The following NCK2 variants were observed in gnomAD, a reference collection of about 807,000 sequenced individuals.
NCK2 encodes cytoplasmic protein NCK2.
Under a neutral mutation model 33.9 loss-of-function variants are expected in NCK2, and 16 were observed. The observed-to-expected ratio is 0.47, with a 90% CI of 0.32 to 0.72. NCK2 has a LOEUF of 0.72. Ranked by LOEUF, NCK2 falls within the 30% of genes least tolerant of loss-of-function variation. The probability of loss-of-function intolerance (pLI) is 0.03; values close to 1 mark genes in which losing one functional copy is unlikely to be tolerated. For synonymous variants in NCK2, 273 were observed against 239.9 expected, an observed-to-expected ratio of 1.14 and a Z score of -1.27; for missense variants, 418 against 537.3, an observed-to-expected ratio of 0.78 and a Z score of 2.19.
intron 1 of NCK2, among the ~76,000 whole-genome samples, chr2:105,750,261 C>T (rs915446079): frequency 6.6e-6 from 1 of 152,130 alleles, no homozygotes; most frequent in Non-Finnish European, 1.5e-5. Flanking sequence ...TCTGGTGTTT[C>T]TTCCTCTTAT....
intron 1 of NCK2, among the ~76,000 whole-genome samples, chr2:105,806,851 C>T (rs566662018): frequency 6.6e-6 from 1 of 152,286 alleles, no homozygotes; most frequent in Non-Finnish European, 1.5e-5. Context: ...AAAAACCCAA[C>T]CAACCATCCT....
At chr2:105,838,742 A>G (rs1368316306) in intron 2 of NCK2, among the ~76,000 whole-genome samples, 3 of 152,286 alleles carry the variant, frequency 2.0e-5, no homozygotes, top group South Asian at 2.1e-4. Context: ...GAGACCATCA[A>G]CACCTACTGA....
intron 2 of NCK2, among the ~76,000 whole-genome samples, chr2:105,838,785 C>G (rs1461387344): frequency 6.6e-6 from 1 of 152,196 alleles, no homozygotes; most frequent in Non-Finnish European, 1.5e-5. Flanking sequence ...CATCCACTCT[C>G]TCTTTCACAT....
At chr2:105,790,030 T>C (rs1690824908) in intron 1 of NCK2, among the ~76,000 whole-genome samples, 2 of 152,244 alleles carry the variant, frequency 1.3e-5, no homozygotes, top group South Asian at 4.1e-4. Flanking sequence ...GGGAGCAGAA[T>C]TGGCTTGTCT....
intron 3 of NCK2, among the ~76,000 whole-genome samples, chr2:105,866,731 T>C (rs1388360896): frequency 4.6e-5 from 7 of 152,190 alleles, no homozygotes; most frequent in Non-Finnish European, 1.0e-4. Flanking sequence ...ACAGAGGTAC[T>C]GGTCTGTGGC....
At chr2:105,823,850 A>G (rs7590652) in intron 2 of NCK2, among the ~76,000 whole-genome samples, 46,662 of 151,938 alleles carry the variant, frequency 0.31, 7,695 homozygotes, top group South Asian at 0.39. Context: ...AGCAGTAAGG[A>G]TGATCCTAAT....
At chr2:105,812,307 C>T (rs753391457) in intron 1 of NCK2, among the ~76,000 whole-genome samples, 4 of 152,192 alleles carry the variant, frequency 2.6e-5, no homozygotes, top group Non-Finnish European at 5.9e-5. Context: ...TTGATAAACA[C>T]ATCTAAGCTG....
intron 4 of NCK2, among the ~76,000 whole-genome samples, chr2:105,891,560 T>TGAG (rs1678981608): frequency 1.8e-4 from 2 of 11,204 alleles, no homozygotes; most frequent in East Asian, 0.011. Context: ...TTTTTTTTTT[T>TGAG]TTTTTTTTGA....
intron 3 of NCK2, among the ~76,000 whole-genome samples, chr2:105,872,745 G>A (rs897448024): frequency 2.6e-5 from 4 of 152,212 alleles, no homozygotes; most frequent in African/African-American, 9.6e-5. Flanking sequence ...CAGCATTTCA[G>A]GAAGGAATGG....
intron 1 of NCK2, among the ~76,000 whole-genome samples, chr2:105,805,901 A>C (rs538184787): frequency 6.6e-6 from 1 of 152,070 alleles, no homozygotes; most frequent in South Asian, 2.1e-4. Flanking sequence ...GAATATTTGC[A>C]TAAACATAAC....
At chr2:105,796,220 A>G (rs908143602) in intron 1 of NCK2, among the ~76,000 whole-genome samples, 2 of 152,180 alleles carry the variant, frequency 1.3e-5, no homozygotes, top group Non-Finnish European at 2.9e-5. Flanking sequence ...TTGAAAGACA[A>G]TCATTTGCAG....
chr2:105,838,603 G>A (rs1452453536), intron 2 of NCK2, among the ~76,000 whole-genome samples: 1 of 152,148 alleles, frequency 6.6e-6, no homozygotes, highest in Middle Eastern at 3.2e-3. Context: ...GAATAACAAT[G>A]AATATATCAA....
chr2:105,873,224 G>A (rs184034762), intron 3 of NCK2, among the ~76,000 whole-genome samples: 69 of 152,292 alleles, frequency 4.5e-4, no homozygotes, highest in Non-Finnish European at 9.0e-4. Context: ...GTACCCAAAA[G>A]TCTGTCCCAC....
At chr2:105,805,462 T>G (rs760948748) in intron 1 of NCK2, among the ~76,000 whole-genome samples, 6 of 152,224 alleles carry the variant, frequency 3.9e-5, no homozygotes, top group Non-Finnish European at 8.8e-5. Context: ...AATAATAAAT[T>G]TGTTTTCTAT....
At chr2:105,877,667 A>G (rs1323362185) in intron 3 of NCK2, among the ~76,000 whole-genome samples, 1 of 152,098 alleles carries the variant, frequency 6.6e-6, no homozygotes. Context: ...GATTCTTGGC[A>G]CCCCAATTCA....
intron 2 of NCK2, among the ~76,000 whole-genome samples, chr2:105,841,411 T>C (rs1339071926): frequency 6.6e-6 from 1 of 152,176 alleles, no homozygotes; most frequent in Non-Finnish European, 1.5e-5. Flanking sequence ...TTTTTAAGGA[T>C]ACAGATGTAG....
At chr2:105,814,621 A>T (rs1412044236) in intron 1 of NCK2, among the ~76,000 whole-genome samples, 1 of 152,184 alleles carries the variant, frequency 6.6e-6, no homozygotes, top group East Asian at 1.9e-4. Flanking sequence ...TGCAGAAGAG[A>T]TTAGAGATGT....
chr2:105,851,291 T>C (rs533115015), intron 2 of NCK2, among the ~76,000 whole-genome samples: 1 of 144,166 alleles, frequency 6.9e-6, no homozygotes, highest in African/African-American at 2.6e-5. Context: ...TGAGACGGAG[T>C]CTCGCTCTGT....
chr2:105,846,242 GCCA>G (rs1676851388), intron 2 of NCK2, among the ~76,000 whole-genome samples: 1 of 152,062 alleles, frequency 6.6e-6, no homozygotes, highest in Admixed American at 6.6e-5. Context: ...AAGCGACAGT[GCCA>G]CCACTTCTTT....
Sources: gnomAD v4.1 joint callset for allele counts (sites outside exome capture counted in the v4.1 genomes callset) on GRCh38, gnomAD v4.1.1 for gene constraint, MANE v1.5 for transcripts, NCBI Gene and HGNC (gene_info 2026-07-23, HGNC 2026-07-21) for gene names.